PARVB: variants seen among roughly 807,000 people sequenced by gnomAD.
PARVB encodes parvin beta.
Under a neutral mutation model 47.0 loss-of-function variants are expected in PARVB, and 46 were observed. The ratio of observed to expected loss-of-function variants is 0.98; its 90% CI spans 0.77 to 1.25. The LOEUF (loss-of-function observed/expected upper bound fraction) is 1.25. Ranked by LOEUF, PARVB falls within the 50% of genes most tolerant of loss-of-function variation. PARVB has a pLI of 0.00. For synonymous variants in PARVB, 196 were observed against 196.3 expected (o/e 1.00, Z 0.01); for missense variants, 473 against 471.6 (o/e 1.00, Z -0.03).
At chr22:44,045,500 C>CGG (rs1401646188) in intron 1 of PARVB, among the ~76,000 whole-genome samples, 1 of 152,164 alleles carries the variant, frequency 6.6e-6, no homozygotes, top group East Asian at 1.9e-4. Flanking sequence ...ATTGATCACC[C>CGG]TGTCTTCCAG....
chr22:44,160,344 C>T (rs1357237014), intron 11 of PARVB, among the ~76,000 whole-genome samples: 1 of 152,218 alleles, frequency 6.6e-6, no homozygotes, highest in African/African-American at 2.4e-5. Context: ...CCCAGGGTTG[C>T]ACGGCCAGCA....
At chr22:44,062,251 C>T (rs2051433491) in intron 1 of PARVB, among the ~76,000 whole-genome samples, 1 of 152,126 alleles carries the variant, frequency 6.6e-6, no homozygotes, top group Non-Finnish European at 1.5e-5. Context: ...AGCCTCAGAC[C>T]CCACAGGTGA....
chr22:44,082,981 C>T (rs1055029285), intron 1 of PARVB, among the ~76,000 whole-genome samples: 7 of 152,012 alleles, frequency 4.6e-5, no homozygotes, highest in African/African-American at 1.2e-4. Flanking sequence ...GGTGGCTGGT[C>T]GGAATGCACA....
At chr22:44,115,866 C>T (rs1488008073) in intron 3 of PARVB, 4 of 138,088 alleles carry the variant, frequency 2.9e-5, no homozygotes, top group Non-Finnish European at 6.4e-5. Flanking sequence ...GTTACTAAAG[C>T]CTTGCACCAA....
intron 6 of PARVB, among the ~76,000 whole-genome samples, chr22:44,133,522 C>T (rs1231607602): frequency 1.3e-5 from 2 of 152,182 alleles, no homozygotes; most frequent in Non-Finnish European, 2.9e-5. Context: ...CTTGCTATTT[C>T]CCTTACATTT....
chr22:44,081,723 C>T, intron 1 of PARVB: 1 of 652,392 alleles, frequency 1.5e-6, no homozygotes, highest in Non-Finnish European at 1.9e-6. Context: ...GCTCATTGTG[C>T]AGCTTGCTGG....
At chr22:44,154,398 G>A (rs755513163) in intron 10 of PARVB, among the ~76,000 whole-genome samples, 1 of 152,128 alleles carries the variant, frequency 6.6e-6, no homozygotes, top group Non-Finnish European at 1.5e-5. Context: ...TGATGCCCTA[G>A]GAGTCGGAGA....
chr22:44,074,737 T>C (rs2051729254), intron 1 of PARVB, among the ~76,000 whole-genome samples: 1 of 152,160 alleles, frequency 6.6e-6, no homozygotes, highest in Admixed American at 6.5e-5. Context: ...CCCACGGCAG[T>C]CCCAGGCCAG....
rs76695611 is a variant in PARVB, at chr22:44,053,270, G to C, written c.112+28819G>C. Reference sequence around the variant, plus strand: ...AGCTAATTTTTGTATTTTTAGTAGAGACAGGGTTTCACCATGTTGGCCAGG... The same window carrying C: ...AGCTAATTTTTGTATTTTTAGTAGACACAGGGTTTCACCATGTTGGCCAGG... On this transcript the variant is annotated intron_variant, in intron 1 of 12. Transcript: ENST00000338758. Among the ~76,000 whole-genome samples the C allele has an allele frequency of 7.2e-5, 11 of 152,150 alleles. No individual in the cohort carries two copies. In the East Asian group the frequency reaches 2.1e-3, roughly 29 times the overall value.
chr22:44,090,965 G>A (rs1287882169), intron 1 of PARVB, among the ~76,000 whole-genome samples: 6 of 152,190 alleles, frequency 3.9e-5, no homozygotes, highest in African/African-American at 1.2e-4. Flanking sequence ...CTCGTCATGT[G>A]GTACAAATAC....
intron 1 of PARVB, among the ~76,000 whole-genome samples, chr22:44,083,183 A>G (rs570899331): frequency 1.1e-4 from 16 of 152,270 alleles, no homozygotes; most frequent in South Asian, 1.0e-3. Flanking sequence ...TTTCCACCCA[A>G]TTAAGTGGCT....
In PARVB at chr22:44,155,187, T is replaced by A. The variant is rs2053904753; in HGVS notation, c.844-2795T>A. 6.6e-6 allele frequency among the ~76,000 whole-genome samples: 1 copy of A among 152,130 alleles called. No homozygotes were observed. The highest frequency in any genetic ancestry group is 2.4e-5 in the African/African-American group (1 of 41,426). ...AGTGAACTCCTCAGCCTCCCTGAGC[T>A]TCTGTCCACAGAATTAAACTGGAGG... On this transcript the variant is annotated intron_variant, in intron 10 of 12. Transcript: ENST00000338758. This position sits in a 1 kb window ranked among gnomAD's most constrained non-coding sequence, Gnocchi z 4.8.
At chr22:44,064,282 C>A (rs1208896934) in intron 1 of PARVB, among the ~76,000 whole-genome samples, 1 of 152,244 alleles carries the variant, frequency 6.6e-6, no homozygotes, top group Non-Finnish European at 1.5e-5. Context: ...GCCTTGGATC[C>A]CTTTTCCTTT....
At chr22:44,018,434 C>G (rs926082060) in intron 2 of PARVB, among the ~76,000 whole-genome samples, 4 of 152,068 alleles carry the variant, frequency 2.6e-5, no homozygotes, top group African/African-American at 4.8e-5. Context: ...ACCACATGCT[C>G]GATGTTTCTG....
At position 44,068,032 on chromosome 22, in the gene PARVB, C is replaced by G. The variant is rs2051573403; in HGVS notation, c.113-25896C>G. Among the ~76,000 whole-genome samples, 1 of 152,276 alleles carries G rather than the reference C, an allele frequency of 6.6e-6. No individual in the cohort carries two copies. Among genetic ancestry groups the G allele is most frequent in the Admixed American group, 6.5e-5 (1 of 15,306 alleles). ...GGCATGTCCCAGTCCACTGCCTGCC[C>G]CAGAGCCCCGCCTGGAGCACCTGCT... On this transcript the variant is annotated intron_variant, in intron 1 of 12. Transcript: ENST00000338758. The surrounding 1 kb of genome is among the most constrained non-coding windows in gnomAD (Gnocchi z 4.1).
intron 4 of PARVB, among the ~76,000 whole-genome samples, chr22:44,128,023 T>A (rs1369839141): frequency 6.6e-6 from 1 of 152,146 alleles, no homozygotes; most frequent in Non-Finnish European, 1.5e-5. Context: ...GCTCAAACGA[T>A]CCTCCCACCT....
chr22:44,072,671 A>T (rs138431651), intron 1 of PARVB, among the ~76,000 whole-genome samples: 1 of 152,132 alleles, frequency 6.6e-6, no homozygotes, highest in East Asian at 1.9e-4. Context: ...CGAACTCCTG[A>T]CCTCAAGTCA....
intron 1 of PARVB, among the ~76,000 whole-genome samples, chr22:44,074,439 G>A (rs1189613950): frequency 6.6e-6 from 1 of 152,196 alleles, no homozygotes; most frequent in Non-Finnish European, 1.5e-5. Context: ...TGGCCCCGCT[G>A]TCACTGGTAT....
At chr22:44,161,412 C>T (rs1267923571) in intron 11 of PARVB, among the ~76,000 whole-genome samples, 2 of 150,896 alleles carry the variant, frequency 1.3e-5, no homozygotes, top group African/African-American at 2.4e-5. Flanking sequence ...CTCCTGGGTT[C>T]AAGCGATTCT....
Sources: gnomAD v4.1 joint callset for allele counts (sites outside exome capture counted in the v4.1 genomes callset) on GRCh38, gnomAD v4.1.1 for gene constraint, Gnocchi (gnomAD v3.1) non-coding constraint, MANE v1.5 for transcripts, NCBI Gene and HGNC (gene_info 2026-07-23, HGNC 2026-07-21) for gene names.